NR2F1-AS1: variants seen among roughly 807,000 people sequenced by gnomAD.
NR2F1-AS1 encodes the protein NR2F1 regulatory antisense RNA 1.
chr5:93,540,244 A>G (rs1751921562), intron 4 of NR2F1-AS1, among the ~76,000 whole-genome samples: 1 of 152,244 alleles, frequency 6.6e-6, no homozygotes, highest in Non-Finnish European at 1.5e-5. Context: ...AAAATAGAGA[A>G]TCACTAATGT....
At chr5:93,556,720 T>C (rs1168569597) in intron 2 of NR2F1-AS1, among the ~76,000 whole-genome samples, 3 of 152,076 alleles carry the variant, frequency 2.0e-5, no homozygotes, top group East Asian at 3.9e-4. Context: ...ATGTCAAAGA[T>C]TGCCAGCAAA....
intron 4 of NR2F1-AS1, among the ~76,000 whole-genome samples, chr5:93,450,914 CAAAAAA>C (rs60895927): frequency 7.4e-5 from 4 of 54,048 alleles, no homozygotes; most frequent in Admixed American, 2.6e-4. Flanking sequence ...GAATCTGCTT[CAAAAAA>C]AAAAAAAAAA....
At chr5:93,459,692 T>C (rs965632170) in intron 4 of NR2F1-AS1, among the ~76,000 whole-genome samples, 1 of 152,142 alleles carries the variant, frequency 6.6e-6, no homozygotes, top group Non-Finnish European at 1.5e-5. Context: ...CTTAGATTCG[T>C]CATCCATGCA....
chr5:93,457,961 G>A (rs766792742), intron 4 of NR2F1-AS1, among the ~76,000 whole-genome samples: 1 of 152,146 alleles, frequency 6.6e-6, no homozygotes, highest in Non-Finnish European at 1.5e-5. Flanking sequence ...TCGCAAGGCT[G>A]ACTGTAGACA....
chr5:93,435,952 C>G (rs1044887822), intron 4 of NR2F1-AS1, among the ~76,000 whole-genome samples: 3 of 152,116 alleles, frequency 2.0e-5, no homozygotes, highest in African/African-American at 7.2e-5. Flanking sequence ...TAGATGTTAC[C>G]CACCCTACTG....
intron 4 of NR2F1-AS1, among the ~76,000 whole-genome samples, chr5:93,532,111 G>A (rs540585064): frequency 1.3e-5 from 2 of 152,162 alleles, no homozygotes; most frequent in East Asian, 3.9e-4. Flanking sequence ...ACCTCTGGTG[G>A]CTTAGGTGGA....
At chr5:93,434,004 A>G (rs1749381262) in intron 4 of NR2F1-AS1, among the ~76,000 whole-genome samples, 1 of 151,964 alleles carries the variant, frequency 6.6e-6, no homozygotes, top group Admixed American at 6.6e-5. Flanking sequence ...TTTTTTCCAT[A>G]TGCTCTTTTT....
intron 4 of NR2F1-AS1, among the ~76,000 whole-genome samples, chr5:93,472,740 G>C (rs1188494750): frequency 6.6e-6 from 1 of 151,650 alleles, no homozygotes; most frequent in Non-Finnish European, 1.5e-5. Context: ...TAAAAATCTA[G>C]AATGGATAAA....
At chr5:93,503,344 T>C (rs1187504808) in intron 4 of NR2F1-AS1, among the ~76,000 whole-genome samples, 1 of 152,158 alleles carries the variant, frequency 6.6e-6, no homozygotes, top group Non-Finnish European at 1.5e-5. Flanking sequence ...ATTGGTATTG[T>C]TACACTGATA....
intron 4 of NR2F1-AS1, among the ~76,000 whole-genome samples, chr5:93,476,114 G>A (rs1388944594): frequency 1.3e-5 from 2 of 152,048 alleles, no homozygotes; most frequent in African/African-American, 4.8e-5. Context: ...GTGTGTCTTC[G>A]ACTGATAGAA....
At chr5:93,519,178 T>C (rs574697606) in intron 4 of NR2F1-AS1, among the ~76,000 whole-genome samples, 1 of 152,150 alleles carries the variant, frequency 6.6e-6, no homozygotes, top group East Asian at 1.9e-4. Context: ...TTTCATACTG[T>C]ATATAAAAAA....
chr5:93,427,605 T>C (rs1749221838), intron 4 of NR2F1-AS1, among the ~76,000 whole-genome samples: 1 of 152,192 alleles, frequency 6.6e-6, no homozygotes, highest in African/African-American at 2.4e-5. Flanking sequence ...CCCAGATTTG[T>C]ACTCAATAAT....
intron 1 of NR2F1-AS1, among the ~76,000 whole-genome samples, chr5:93,575,239 C>T (rs1280549189): frequency 2.0e-5 from 3 of 152,230 alleles, no homozygotes; most frequent in African/African-American, 7.2e-5. Context: ...GGAGGTAAAG[C>T]CCAGTGCTTT....
At chr5:93,546,822 T>C (rs1752099183) in intron 4 of NR2F1-AS1, among the ~76,000 whole-genome samples, 3 of 152,234 alleles carry the variant, frequency 2.0e-5, no homozygotes, top group Non-Finnish European at 2.9e-5. Context: ...GGCTATGCTA[T>C]AGTACTCACT....
chr5:93,582,019 CTCAA>C (rs1753104472), upstream of NR2F1-AS1, among the ~76,000 whole-genome samples: 2 of 138,808 alleles, frequency 1.4e-5, no homozygotes, highest in East Asian at 2.1e-4. Flanking sequence ...CTCTCTCTCT[CTCAA>C]TATCTCGCGC....
At chr5:93,471,906 G>GT (rs1750373379) in intron 4 of NR2F1-AS1, among the ~76,000 whole-genome samples, 1 of 151,758 alleles carries the variant, frequency 6.6e-6, no homozygotes. Context: ...CAATAGCTGC[G>GT]TATCTCACTA....
chr5:93,481,940 C>A (rs1750608609), intron 4 of NR2F1-AS1, among the ~76,000 whole-genome samples: 1 of 152,014 alleles, frequency 6.6e-6, no homozygotes, highest in Non-Finnish European at 1.5e-5. Flanking sequence ...TAGCTGTAAA[C>A]ACCTATATTT....
chr5:93,511,621 A>G (rs1303031472), intron 4 of NR2F1-AS1, among the ~76,000 whole-genome samples: 2 of 152,174 alleles, frequency 1.3e-5, no homozygotes, highest in African/African-American at 4.8e-5. Context: ...AATTATGTAC[A>G]GCAGGGGTCC....
At chr5:93,570,066 AT>A (rs1243546375) in intron 1 of NR2F1-AS1, 1 of 152,214 alleles carries the variant, frequency 6.6e-6, no homozygotes, top group Non-Finnish European at 1.5e-5. Context: ...AAACTGAGAG[AT>A]TACAAAACAA....
Sources: gnomAD v4.1 joint callset for allele counts (sites outside exome capture counted in the v4.1 genomes callset) on GRCh38, gnomAD v4.1.1 for gene constraint, MANE v1.5 for transcripts, NCBI Gene and HGNC (gene_info 2026-07-23, HGNC 2026-07-21) for gene names.